Variants in PKNOX2 observed in about 807,000 individuals in gnomAD.
PKNOX2 encodes the protein PBX/knotted 1 homeobox 2, also known as homeobox protein PKNOX2.
PKNOX2 carries 14 observed loss-of-function variants against 53.1 expected under a neutral mutation model. The ratio of observed to expected loss-of-function variants is 0.26; its 90% CI spans 0.17 to 0.41. The LOEUF is 0.41. PKNOX2 is among the 10% of genes least tolerant of loss of function. The probability of loss-of-function intolerance (pLI) is 1.00; values close to 1 mark genes in which losing one functional copy is unlikely to be tolerated. For missense variants in PKNOX2, 496 were observed against 602.8 expected (o/e 0.82, Z 1.85); for synonymous variants, 257 against 242.8 (o/e 1.06, Z -0.54).
At chr11:125,177,399 C>T (rs1367405817) in intron 1 of PKNOX2, among the ~76,000 whole-genome samples, 1 of 152,194 alleles carries the variant, frequency 6.6e-6, no homozygotes, top group Non-Finnish European at 1.5e-5. Context: ...TGGCCTCCTG[C>T]CTAGGGTTTG....
At chr11:125,215,295 G>A (rs943930136) in intron 1 of PKNOX2, among the ~76,000 whole-genome samples, 1 of 152,074 alleles carries the variant, frequency 6.6e-6, no homozygotes, top group Non-Finnish European at 1.5e-5. Flanking sequence ...CATGGAGAGG[G>A]CTCAGGACTG....
At chr11:125,191,598 G>A (rs1016654529) in intron 1 of PKNOX2, among the ~76,000 whole-genome samples, 1 of 152,198 alleles carries the variant, frequency 6.6e-6, no homozygotes, top group Non-Finnish European at 1.5e-5. Flanking sequence ...AGTGCCTCCG[G>A]CGAGCATCTC....
At chr11:125,351,497 AGGCCT>A in intron 4 of PKNOX2, 105 bp downstream of exon 4, 1 of 727,022 alleles carries the variant, frequency 1.4e-6, no homozygotes, top group Non-Finnish European at 2.3e-6. Context: ...GGGCAGAGCC[AGGCCT>A]CCCGCAATCA....
At chr11:125,349,739 T>A (rs1342608488) in intron 3 of PKNOX2, among the ~76,000 whole-genome samples, 1 of 152,134 alleles carries the variant, frequency 6.6e-6, no homozygotes, top group African/African-American at 2.4e-5. Flanking sequence ...GCCTTTCCAG[T>A]GCTTTTTGCA....
intron 5 of PKNOX2, 51 bp from the exon 6 acceptor site, chr11:125,385,500 G>A: frequency 5.9e-6 from 9 of 1,527,590 alleles, no homozygotes; most frequent in Non-Finnish European, 7.9e-6. Flanking sequence ...AGCACAGGTA[G>A]CAGCACGGTC....
intron 2 of PKNOX2, among the ~76,000 whole-genome samples, chr11:125,238,548 C>G (rs1354035248): frequency 6.6e-6 from 1 of 152,168 alleles, no homozygotes; most frequent in African/African-American, 2.4e-5. Context: ...ACACTATTTT[C>G]TTGTATGACA....
In PKNOX2 at chr11:125,175,719, T is replaced by C. The variant is rs1955664512; in HGVS notation, c.-201+10943T>C. 2.6e-5 allele frequency among the ~76,000 whole-genome samples: 4 copies of C among 152,276 alleles called. No homozygotes were observed. The South Asian group carries it at 8.3e-4, about 32-fold the overall frequency. On this transcript the variant is annotated intron_variant, in intron 1 of 12. Transcript: ENST00000298282. ...CAACAGGTATGGGTGTGGGCCTTGGTAGAGCCCTGTGCTCACTGTGGGACC... is the reference window on the plus strand; with the variant it reads ...CAACAGGTATGGGTGTGGGCCTTGGCAGAGCCCTGTGCTCACTGTGGGACC...
At chr11:125,385,398 C>A (rs1047057857) in intron 5 of PKNOX2, among the ~76,000 whole-genome samples, 153 bp from the exon 6 acceptor site, 3 of 152,192 alleles carry the variant, frequency 2.0e-5, no homozygotes, top group Admixed American at 1.3e-4. Flanking sequence ...GTGCTGCCAT[C>A]TAGATTGACC....
intron 1 of PKNOX2, among the ~76,000 whole-genome samples, chr11:125,190,541 C>A (rs768226145): frequency 1.9e-4 from 29 of 152,224 alleles, no homozygotes; most frequent in Non-Finnish European, 3.4e-4. Context: ...ACATCTTAGT[C>A]TGGCACTTAA....
chr11:125,334,221 T>C (rs1313101496), intron 3 of PKNOX2, among the ~76,000 whole-genome samples: 1 of 152,220 alleles, frequency 6.6e-6, no homozygotes, highest in Non-Finnish European at 1.5e-5. Context: ...AGCCTGGTAC[T>C]GTAGGAACTC....
intron 2 of PKNOX2, among the ~76,000 whole-genome samples, chr11:125,313,211 T>G (rs548766432): frequency 6.6e-6 from 1 of 152,166 alleles, no homozygotes; most frequent in African/African-American, 2.4e-5. Flanking sequence ...ATGTCTGCAA[T>G]GGCAGTGCCC....
intron 3 of PKNOX2, among the ~76,000 whole-genome samples, chr11:125,350,339 G>A (rs1951227006): frequency 6.6e-6 from 1 of 152,136 alleles, no homozygotes; most frequent in Non-Finnish European, 1.5e-5. Flanking sequence ...TTGGTGATGG[G>A]GAAATGATGG....
intron 4 of PKNOX2, among the ~76,000 whole-genome samples, chr11:125,358,290 T>C (rs1449176715): frequency 6.6e-6 from 1 of 152,236 alleles, no homozygotes; most frequent in African/African-American, 2.4e-5. Flanking sequence ...ACAGGGATTC[T>C]GGTGTGCCCT....
chr11:125,376,428 A>G (rs532119294), intron 5 of PKNOX2, among the ~76,000 whole-genome samples: 1 of 152,250 alleles, frequency 6.6e-6, no homozygotes, highest in African/African-American at 2.4e-5. Context: ...GGGGAGGAGA[A>G]GCAGAGGGCT....
At chr11:125,301,803 G>A (rs569310244) in intron 2 of PKNOX2, among the ~76,000 whole-genome samples, 5 of 152,324 alleles carry the variant, frequency 3.3e-5, no homozygotes, top group African/African-American at 1.2e-4. Context: ...ACCTTCCAGA[G>A]GCAAAGCCAT....
intron 2 of PKNOX2, among the ~76,000 whole-genome samples, chr11:125,256,861 G>A (rs1944441480): frequency 6.6e-6 from 1 of 152,266 alleles, no homozygotes; most frequent in African/African-American, 2.4e-5. Flanking sequence ...CGTTGCAGCC[G>A]CCTCTGTCTC....
rs559077718 is a variant in PKNOX2, at chr11:125,350,309, G to A, written c.-22-975G>A. 4.6e-5 allele frequency among the ~76,000 whole-genome samples: 7 copies of A among 152,304 alleles called. No individual in the cohort carries two copies. In the South Asian group the frequency reaches 1.5e-3, roughly 32 times the overall value. On this transcript the variant is annotated intron_variant, in intron 3 of 12. Transcript: ENST00000298282. ...TCAAGAGGAAATCTTGAGGCTTCAT[G>A]GGGGCAGCTCGCCTGCTTATTGGTG...
intron 1 of PKNOX2, among the ~76,000 whole-genome samples, chr11:125,209,681 G>T (rs1021662490): frequency 6.6e-6 from 1 of 152,006 alleles, no homozygotes; most frequent in South Asian, 2.1e-4. Flanking sequence ...CAGGCTGGAG[G>T]GGGAGGAGGA....
intron 12 of PKNOX2, 44 bp downstream of exon 12, chr11:125,430,185 G>A: frequency 6.3e-7 from 1 of 1,586,264 alleles, no homozygotes; most frequent in Non-Finnish European, 8.6e-7. Flanking sequence ...GGCTGGGGGT[G>A]CTCCTGGAGC....
Sources: allele counts gnomAD v4.1 joint callset (sites outside exome capture counted in the v4.1 genomes callset), GRCh38; gene constraint gnomAD v4.1.1; transcripts MANE v1.5; gene names NCBI Gene and HGNC (gene_info 2026-07-23, HGNC 2026-07-21).